MLLT3: variants seen among roughly 807,000 people sequenced by gnomAD.
MLLT3 encodes the protein protein AF-9.
In MLLT3, 4 loss-of-function variants were observed where a neutral mutation model predicts 53.2. The ratio of observed to expected loss-of-function variants is 0.08; its 90% confidence interval spans 0.04 to 0.17. The LOEUF (loss-of-function observed/expected upper bound fraction) is 0.17, where lower values mean the gene tolerates loss of function less well. MLLT3 is among the 10% of genes least tolerant of loss of function. MLLT3 has a pLI of 1.00. For missense variants in MLLT3, 569 were observed against 684.0 expected (o/e 0.83, Z 1.87); for synonymous variants, 283 against 230.6 (o/e 1.23, Z -2.06).
At chr9:20,429,249 T>C (rs915397305) in intron 4 of MLLT3, among the ~76,000 whole-genome samples, 1 of 152,116 alleles carries the variant, frequency 6.6e-6, no homozygotes, top group South Asian at 2.1e-4. Context: ...ACACCTATAG[T>C]CCTAGCTAAT....
intron 2 of MLLT3, among the ~76,000 whole-genome samples, chr9:20,576,825 G>A (rs1412607384): frequency 6.6e-6 from 1 of 152,106 alleles, no homozygotes; most frequent in Non-Finnish European, 1.5e-5. Flanking sequence ...AAGGGTTGTG[G>A]CACAAACTTT....
In MLLT3 at chr9:20,342,731, G is replaced by A. The variant is rs560932427; in HGVS notation, c.*3712C>T. Reference sequence around the variant, plus strand: ...AGCCCGAGACTAAACTAAACCATGGGAATTGACTCCTTAACATTCACTGCA... The same window carrying A: ...AGCCCGAGACTAAACTAAACCATGGAAATTGACTCCTTAACATTCACTGCA... On this transcript the variant is annotated 3_prime_UTR_variant, in exon 11 of 11. Coordinates refer to ENST00000380338, the MANE Select transcript of MLLT3 (RefSeq NM_004529.4). The A allele has an allele frequency of 9.9e-6, 2 of 202,094 alleles. No individual in the cohort carries two copies. Among genetic ancestry groups the A allele is most frequent in the East Asian group, 1.5e-4 (2 of 13,174 alleles). The allele number at this position is 202,094 out of a possible 1,614,324, so 12.5% of individuals were successfully genotyped here.
intron 5 of MLLT3, among the ~76,000 whole-genome samples, chr9:20,391,089 A>G (rs991912294): frequency 6.6e-6 from 1 of 152,196 alleles, no homozygotes; most frequent in Non-Finnish European, 1.5e-5. Context: ...AAGATACAGA[A>G]CAGTTCACCT....
chr9:20,563,746 C>T (rs905049281), intron 2 of MLLT3, among the ~76,000 whole-genome samples: 6 of 152,186 alleles, frequency 3.9e-5, no homozygotes, highest in South Asian at 4.1e-4. Flanking sequence ...AGTAGTCAGA[C>T]CTACAGATTT....
At chr9:20,458,070 CCTT>C (rs1824016849) in intron 2 of MLLT3, among the ~76,000 whole-genome samples, 2 of 152,336 alleles carry the variant, frequency 1.3e-5, no homozygotes, top group African/African-American at 4.8e-5. Context: ...GCCTGGTCCT[CCTT>C]CTATCCCTTC....
At chr9:20,356,444 C>T (rs1379062914) in intron 8 of MLLT3, among the ~76,000 whole-genome samples, 1 of 151,982 alleles carries the variant, frequency 6.6e-6, no homozygotes, top group Non-Finnish European at 1.5e-5. Flanking sequence ...AAAGTGAGAT[C>T]TCAAGGGAAA....
chr9:20,591,589 G>C (rs570153165), intron 2 of MLLT3, among the ~76,000 whole-genome samples: 2 of 152,314 alleles, frequency 1.3e-5, no homozygotes, highest in South Asian at 4.1e-4. Context: ...CTTAGGCAGA[G>C]TTATAGAATA....
rs1820814227 is a variant in MLLT3, at chr9:20,344,415, A to G, written c.*2028T>C. ...TTTTAAAAATTTGCAACATTTCCATATAAACATTACCCTCCCCTTCCAGCT... is the reference window on the plus strand; with the variant it reads ...TTTTAAAAATTTGCAACATTTCCATGTAAACATTACCCTCCCCTTCCAGCT... On this transcript the variant is annotated 3_prime_UTR_variant, in exon 11 of 11. Coordinates refer to ENST00000380338, the MANE Select transcript of MLLT3 (RefSeq NM_004529.4). The G allele has an allele frequency of 4.7e-6, 1 of 214,100 alleles. No homozygotes were observed. Among genetic ancestry groups the G allele is most frequent in the Non-Finnish European group, 9.5e-6 (1 of 105,742 alleles). 13.3% of individuals were successfully genotyped at this position (214,100 alleles called of 1,614,324 possible).
At chr9:20,378,491 T>C (rs1315446071) in intron 5 of MLLT3, among the ~76,000 whole-genome samples, 21 of 152,020 alleles carry the variant, frequency 1.4e-4, no homozygotes, top group Non-Finnish European at 1.5e-5. Flanking sequence ...ACAGAGTTCC[T>C]TATTGAAGAA....
intron 2 of MLLT3, among the ~76,000 whole-genome samples, chr9:20,567,327 A>AAC (rs1819404046): frequency 6.7e-6 from 1 of 150,122 alleles, no homozygotes; most frequent in African/African-American, 2.4e-5. Flanking sequence ...AAAAAAAAAA[A>AAC]ACACAAACGA....
intron 2 of MLLT3, among the ~76,000 whole-genome samples, chr9:20,545,892 T>C (rs1818775655): frequency 6.8e-6 from 1 of 147,976 alleles, no homozygotes; most frequent in South Asian, 2.1e-4. Flanking sequence ...AAAATTAGCA[T>C]CTCCAGTCCC....
chr9:20,349,959 T>G (rs998526366), intron 10 of MLLT3, among the ~76,000 whole-genome samples: 1 of 152,222 alleles, frequency 6.6e-6, no homozygotes, highest in Non-Finnish European at 1.5e-5. Flanking sequence ...TGGGAATTAT[T>G]TGCCAAAGGG....
intron 2 of MLLT3, among the ~76,000 whole-genome samples, chr9:20,537,939 A>G (rs1382972499): frequency 6.6e-6 from 1 of 152,222 alleles, no homozygotes; most frequent in Admixed American, 6.5e-5. Flanking sequence ...CAGAAGACAA[A>G]TGATAAACTA....
At chr9:20,436,001 C>A (rs527634046) in intron 4 of MLLT3, among the ~76,000 whole-genome samples, 2 of 152,094 alleles carry the variant, frequency 1.3e-5, no homozygotes, top group Non-Finnish European at 2.9e-5. Flanking sequence ...TAAACTAATT[C>A]TATTAAAGGG....
chr9:20,428,189 A>G (rs1823183144), intron 4 of MLLT3, among the ~76,000 whole-genome samples: 1 of 152,128 alleles, frequency 6.6e-6, no homozygotes, highest in Non-Finnish European at 1.5e-5. Context: ...ATTTTCAAAT[A>G]TTGAAAGGAA....
rs551725203 is a variant in MLLT3, at chr9:20,599,177, G to A, written c.193+21477C>T. 9.2e-5 allele frequency among the ~76,000 whole-genome samples: 14 copies of A among 151,982 alleles called. No individual in the cohort carries two copies. In the South Asian group the frequency reaches 1.5e-3, roughly 16 times the overall value. The stretch of plus-strand genomic sequence containing the variant: ...AAATTAGCTGGGCATGGTGGCACGC[G>A]CCTGCAGTCCCAGCTACTCAGGAAG... On this transcript the variant is annotated intron_variant, in intron 2 of 10. Transcript: ENST00000380338.
chr9:20,342,297 T>G lies in MLLT3; in HGVS notation c.*4146A>C, dbSNP rs1820754003. 4.5e-6 allele frequency: 1 copy of G among 224,314 alleles called. No individual in the cohort carries two copies. Among genetic ancestry groups the G allele is most frequent in the Non-Finnish European group, 8.9e-6 (1 of 112,536 alleles). The allele number at this position is 224,314 out of a possible 1,614,324, so 13.9% of individuals were successfully genotyped here. On this transcript the variant is annotated 3_prime_UTR_variant, in exon 11 of 11. Transcript: ENST00000380338. ...ATGGATTTTAGAGAAGGGAAATACA[T>G]CTTACAGTGTGCCTTGAATTCACAC...
intron 3 of MLLT3, among the ~76,000 whole-genome samples, chr9:20,455,507 A>T (rs561166052): frequency 2.6e-4 from 40 of 152,314 alleles, no homozygotes; most frequent in African/African-American, 9.4e-4. Flanking sequence ...GATTTGATAC[A>T]TCTGGGTAGA....
chr9:20,348,231 T>G (rs1344480600), intron 10 of MLLT3, among the ~76,000 whole-genome samples: 1 of 152,032 alleles, frequency 6.6e-6, no homozygotes, highest in Non-Finnish European at 1.5e-5. Context: ...ATTCCTTAAT[T>G]TTTTTTTATT....
Sources: allele counts gnomAD v4.1 joint callset (sites outside exome capture counted in the v4.1 genomes callset), GRCh38; gene constraint gnomAD v4.1.1; transcripts MANE v1.5; gene names NCBI Gene and HGNC (gene_info 2026-07-23, HGNC 2026-07-21).